The following TRPM3 variants were observed in gnomAD, a reference collection of about 807,000 sequenced individuals.
TRPM3 encodes transient receptor potential cation channel subfamily M member 3.
TRPM3 carries 77 observed loss-of-function variants against 181.2 expected under a neutral mutation model. The observed-to-expected ratio is 0.42, with a 90% confidence interval of 0.35 to 0.51. The LOEUF (loss-of-function observed/expected upper bound fraction) is 0.51. Among genes scored for constraint, TRPM3 ranks in the 20% least tolerant of loss-of-function variants. TRPM3 has a pLI of 0.01. For missense variants in TRPM3, 1,759 were observed against 2,196.7 expected, an observed-to-expected ratio of 0.80 and a Z score of 3.98; for synonymous variants, 745 against 796.4, an observed-to-expected ratio of 0.94 and a Z score of 1.09.
chr9:71,156,266 T>G (rs2075994038), intron 1 of TRPM3, among the ~76,000 whole-genome samples: 1 of 151,932 alleles, frequency 6.6e-6, no homozygotes, highest in Non-Finnish European at 1.5e-5. Context: ...ATCAGCTGTG[T>G]AGACTTGGGC....
intron 1 of TRPM3, among the ~76,000 whole-genome samples, chr9:70,993,797 AAAAAAAAAG>A: frequency 7.8e-6 from 1 of 128,022 alleles, no homozygotes. Context: ...AAAAAAAAAA[AAAAAAAAAG>A]AAAGAAAGAA....
chr9:71,085,032 G>C (rs1322893774), intron 1 of TRPM3, among the ~76,000 whole-genome samples: 1 of 151,910 alleles, frequency 6.6e-6, no homozygotes, highest in Non-Finnish European at 1.5e-5. Flanking sequence ...ATAGGGAAGG[G>C]ACTCCCTAGT....
intron 1 of TRPM3, among the ~76,000 whole-genome samples, chr9:70,995,881 T>C (rs1210470476): frequency 2.0e-5 from 3 of 152,214 alleles, no homozygotes; most frequent in Non-Finnish European, 2.9e-5. Context: ...CTAATTGCCA[T>C]TTCTGACAAT....
chr9:70,770,893 T>C, intron 7 of TRPM3, among the ~76,000 whole-genome samples: 1 of 152,168 alleles, frequency 6.6e-6, no homozygotes, highest in East Asian at 1.9e-4. Context: ...CCGGCATGCA[T>C]ATTAGCTGGA....
intron 1 of TRPM3, among the ~76,000 whole-genome samples, chr9:71,186,049 G>A (rs939252551): frequency 6.6e-6 from 1 of 151,948 alleles, no homozygotes; most frequent in African/African-American, 2.4e-5. Flanking sequence ...TCTAGTATTC[G>A]TTGGTTTGCA....
intron 1 of TRPM3, among the ~76,000 whole-genome samples, chr9:71,149,637 T>C (rs1216963928): frequency 2.0e-5 from 3 of 152,092 alleles, no homozygotes; most frequent in African/African-American, 7.2e-5. Flanking sequence ...AAGCAGCTAA[T>C]ACCAAGTTTA....
intron 1 of TRPM3, among the ~76,000 whole-genome samples, chr9:70,987,085 G>A (rs2097429016): frequency 6.6e-6 from 1 of 151,884 alleles, no homozygotes; most frequent in South Asian, 2.1e-4. Context: ...AGCAGTATAG[G>A]AATGCGTAAT....
intron 1 of TRPM3, among the ~76,000 whole-genome samples, chr9:71,168,908 A>G (rs2076697467): frequency 6.6e-6 from 1 of 152,072 alleles, no homozygotes; most frequent in Non-Finnish European, 1.5e-5. Flanking sequence ...TAGCTTCCAG[A>G]TTTTGTTGAA....
intron 7 of TRPM3, among the ~76,000 whole-genome samples, chr9:70,768,739 C>T (rs1022854907): frequency 1.3e-5 from 2 of 152,058 alleles, no homozygotes; most frequent in African/African-American, 4.8e-5. Context: ...GGCCACCCAA[C>T]TCAAAAACGT....
chr9:71,176,495 C>T (rs2134858009), intron 1 of TRPM3, among the ~76,000 whole-genome samples: 1 of 152,038 alleles, frequency 6.6e-6, no homozygotes, highest in East Asian at 1.9e-4. Flanking sequence ...AGGTTTATTA[C>T]AAAAGAGTCA....
At chr9:71,088,122 T>C (rs1274686877) in intron 1 of TRPM3, among the ~76,000 whole-genome samples, 1 of 152,052 alleles carries the variant, frequency 6.6e-6, no homozygotes, top group Non-Finnish European at 1.5e-5. Flanking sequence ...TCAGCTACAG[T>C]AAAAAACATG....
chr9:71,439,260 T>C (rs1285928073), intron 1 of TRPM3, among the ~76,000 whole-genome samples: 3 of 152,142 alleles, frequency 2.0e-5, no homozygotes, highest in African/African-American at 7.2e-5. Context: ...TTCAGAAAAA[T>C]TAAAGACCAT....
intron 1 of TRPM3, among the ~76,000 whole-genome samples, chr9:71,169,857 C>T (rs11142711): frequency 0.24 from 35,852 of 150,254 alleles, 4,946 homozygotes; most frequent in African/African-American, 0.36. Context: ...AAAAATTAGC[C>T]GGGCATGGTG....
intron 1 of TRPM3, among the ~76,000 whole-genome samples, chr9:71,411,468 G>C (rs1034824012): frequency 2.6e-5 from 4 of 152,106 alleles, no homozygotes; most frequent in African/African-American, 7.2e-5. Flanking sequence ...AATTGACAAA[G>C]AGAGCCAAAA....
intron 1 of TRPM3, among the ~76,000 whole-genome samples, chr9:71,185,444 CAAAGAAGCTTACTTTGGAAGTA>C (rs2077620140): frequency 6.6e-6 from 1 of 151,870 alleles, no homozygotes; most frequent in African/African-American, 2.4e-5. Context: ...AAACAAAAAC[CAAAGAAGCTTACTTTGGAAGTA>C]GACCCTCTTT....
intron 9 of TRPM3, among the ~76,000 whole-genome samples, chr9:70,653,780 A>G (rs141916052): frequency 2.6e-5 from 4 of 152,222 alleles, no homozygotes; most frequent in African/African-American, 4.8e-5. Context: ...TTACTAAAAA[A>G]TCTGGAGAAG....
intron 1 of TRPM3, among the ~76,000 whole-genome samples, chr9:71,303,977 A>ATATT (rs2087020940): frequency 6.6e-6 from 1 of 152,186 alleles, no homozygotes; most frequent in Non-Finnish European, 1.5e-5. Context: ...TAAAATACAT[A>ATATT]TATTTTAAAA....
At chr9:70,617,394 G>A (rs2062950323) in intron 17 of TRPM3, among the ~76,000 whole-genome samples, 1 of 152,150 alleles carries the variant, frequency 6.6e-6, no homozygotes, top group Non-Finnish European at 1.5e-5. Context: ...AATGGTGGGT[G>A]TCAGGGGCAG....
At chr9:70,925,529 T>C (rs1714019098) in intron 1 of TRPM3, among the ~76,000 whole-genome samples, 1 of 151,716 alleles carries the variant, frequency 6.6e-6, no homozygotes, top group African/African-American at 2.4e-5. Context: ...TGGTAGAATA[T>C]GGAAAAAAAT....
Sources: gnomAD v4.1 joint callset for allele counts (sites outside exome capture counted in the v4.1 genomes callset) on GRCh38, gnomAD v4.1.1 for gene constraint, MANE v1.5 for transcripts, NCBI Gene and HGNC (gene_info 2026-07-23, HGNC 2026-07-21) for gene names.